The following SPAG16 variants were observed in gnomAD, a reference collection of about 807,000 sequenced individuals.
SPAG16 encodes the protein sperm-associated antigen 16 protein.
In SPAG16, 86 loss-of-function variants were observed where a neutral mutation model predicts 80.4. That is an observed-to-expected ratio of 1.07 (90% CI 0.90 to 1.28). The LOEUF (loss-of-function observed/expected upper bound fraction) is 1.28. Among genes scored for constraint, SPAG16 ranks in the 50% most tolerant of loss-of-function variants. The pLI, the probability that SPAG16 is intolerant of heterozygous loss-of-function variation, is 0.00. For synonymous variants in SPAG16, 294 were observed against 265.9 expected, an observed-to-expected ratio of 1.11 and a Z score of -1.03; for missense variants, 870 against 765.3, an observed-to-expected ratio of 1.14 and a Z score of -1.61.
intron 13 of SPAG16, among the ~76,000 whole-genome samples, chr2:214,048,255 A>G (rs1373644021): frequency 1.3e-5 from 2 of 152,232 alleles, no homozygotes; most frequent in Non-Finnish European, 2.9e-5. Context: ...TGTTTATTGC[A>G]GCACTATTCA....
chr2:214,015,130 G>T (rs1238886582), intron 13 of SPAG16, among the ~76,000 whole-genome samples: 2 of 152,160 alleles, frequency 1.3e-5, no homozygotes, highest in African/African-American at 4.8e-5. Flanking sequence ...ATGATCCAAG[G>T]CTGGAGTTTT....
At chr2:213,873,383 T>G (rs2105995219) in intron 11 of SPAG16, among the ~76,000 whole-genome samples, 1 of 152,062 alleles carries the variant, frequency 6.6e-6, no homozygotes, top group Non-Finnish European at 1.5e-5. Flanking sequence ...TTTAATAATT[T>G]GAGTCCTCTC....
intron 9 of SPAG16, among the ~76,000 whole-genome samples, chr2:213,401,996 T>A (rs75234776): frequency 0.054 from 8,172 of 152,110 alleles, 712 homozygotes; most frequent in African/African-American, 0.18. Flanking sequence ...TATTTTTGTC[T>A]GGTCATATAT....
intron 15 of SPAG16, among the ~76,000 whole-genome samples, chr2:214,306,551 T>C (rs567098052): frequency 1.3e-5 from 2 of 152,344 alleles, no homozygotes; most frequent in East Asian, 1.9e-4. Flanking sequence ...GTATGTGTCT[T>C]CAATACCTCG....
At chr2:214,384,678 T>C (rs1219066321) in intron 15 of SPAG16, among the ~76,000 whole-genome samples, 1 of 146,068 alleles carries the variant, frequency 6.8e-6, no homozygotes, top group African/African-American at 2.4e-5. Flanking sequence ...AGAACATGTT[T>C]TCCAGGCAGC....
intron 10 of SPAG16, among the ~76,000 whole-genome samples, chr2:213,786,074 A>G (rs551437224): frequency 1.6e-4 from 24 of 152,032 alleles, no homozygotes; most frequent in Middle Eastern, 3.4e-3. Context: ...CTTTATTTCT[A>G]TTTCATTAAT....
At chr2:213,836,186 C>G (rs923389578) in intron 10 of SPAG16, among the ~76,000 whole-genome samples, 1 of 145,194 alleles carries the variant, frequency 6.9e-6, no homozygotes, top group Non-Finnish European at 1.5e-5. Context: ...GCCCCCCCCC[C>G]CATTTCCTAT....
At chr2:214,377,985 T>G (rs10171081) in intron 15 of SPAG16, among the ~76,000 whole-genome samples, 130,377 of 152,152 alleles carry the variant, frequency 0.86, 56,393 homozygotes, top group African/African-American at 0.93. Context: ...TGATCACAAA[T>G]GTCCTGGAAA....
intron 10 of SPAG16, among the ~76,000 whole-genome samples, chr2:213,774,715 T>G (rs768426730): frequency 3.4e-4 from 52 of 152,208 alleles, no homozygotes; most frequent in Non-Finnish European, 5.0e-4. Flanking sequence ...CACTTAACAC[T>G]GAAGTCAATA....
intron 15 of SPAG16, chr2:214,238,264 G>T: frequency 3.3e-6 from 1 of 306,774 alleles, no homozygotes; most frequent in Non-Finnish European, 6.5e-6. Context: ...GATATTTTAT[G>T]CCTCGTTTTC....
intron 6 of SPAG16, among the ~76,000 whole-genome samples, chr2:213,345,989 G>A (rs182137499): frequency 0.014 from 2,173 of 152,200 alleles, 22 homozygotes; most frequent in Non-Finnish European, 0.022. Context: ...CCATTTTCAC[G>A]ATATTGATTC....
At chr2:214,364,420 T>A (rs1223095855) in intron 15 of SPAG16, among the ~76,000 whole-genome samples, 1 of 152,148 alleles carries the variant, frequency 6.6e-6, no homozygotes. Flanking sequence ...ACTTTGTTAA[T>A]AAGTCTATTA....
chr2:213,905,808 T>A (rs746381427), intron 11 of SPAG16, among the ~76,000 whole-genome samples: 4 of 152,104 alleles, frequency 2.6e-5, no homozygotes, highest in Non-Finnish European at 5.9e-5. Flanking sequence ...ATGCCCACCC[T>A]CCAAGATAAG....
intron 13 of SPAG16, among the ~76,000 whole-genome samples, chr2:214,038,527 A>T (rs1341213111): frequency 6.6e-6 from 1 of 151,982 alleles, no homozygotes; most frequent in Non-Finnish European, 1.5e-5. Flanking sequence ...GAAATTTCTC[A>T]ATTCATTTCT....
At chr2:213,945,370 C>G (rs939581359) in intron 12 of SPAG16, among the ~76,000 whole-genome samples, 10 of 150,676 alleles carry the variant, frequency 6.6e-5, no homozygotes, top group Admixed American at 6.6e-4. Flanking sequence ...TAAATATTAA[C>G]TTACACAATC....
At chr2:213,688,864 C>T (rs114277203) in intron 10 of SPAG16, among the ~76,000 whole-genome samples, 85 of 152,276 alleles carry the variant, frequency 5.6e-4, no homozygotes, top group African/African-American at 2.0e-3. Flanking sequence ...TATCACCAGA[C>T]ATTTTATTTG....
intron 9 of SPAG16, chr2:213,422,406 T>C (rs1488719791): frequency 1.5e-6 from 1 of 650,146 alleles, no homozygotes; most frequent in Non-Finnish European, 2.8e-6. Context: ...TGCCTGGCTG[T>C]GCACAGTGGC....
At chr2:213,883,485 G>A (rs1403177820) in intron 11 of SPAG16, among the ~76,000 whole-genome samples, 1 of 152,122 alleles carries the variant, frequency 6.6e-6, no homozygotes, top group Admixed American at 6.5e-5. Flanking sequence ...TGTGTATGTT[G>A]TGGTTGTTCG....
intron 13 of SPAG16, among the ~76,000 whole-genome samples, chr2:214,042,007 T>TATATATATATAC (rs1371293247): frequency 4.0e-5 from 4 of 101,252 alleles, no homozygotes; most frequent in Admixed American, 9.4e-5. Flanking sequence ...TATATATATA[T>TATATATATATAC]ACACACACAC....
Sources: gnomAD v4.1 joint callset for allele counts (sites outside exome capture counted in the v4.1 genomes callset) on GRCh38, gnomAD v4.1.1 for gene constraint, MANE v1.5 for transcripts, NCBI Gene and HGNC (gene_info 2026-07-23, HGNC 2026-07-21) for gene names.